Variants in ATPAF1 observed in about 807,000 individuals in gnomAD.
ATPAF1 encodes ATP synthase mitochondrial F1 complex assembly factor 1, also known as homolog of yeast ATP11.
Under a neutral mutation model 43.9 loss-of-function variants are expected in ATPAF1, and 26 were observed. That is an observed-to-expected ratio of 0.59 (90% confidence interval 0.43 to 0.82). The LOEUF (loss-of-function observed/expected upper bound fraction) is 0.82. Among genes scored for constraint, ATPAF1 ranks in the 40% least tolerant of loss-of-function variants. ATPAF1 has a pLI of 0.00. For synonymous variants in ATPAF1, 157 were observed against 168.0 expected, an observed-to-expected ratio of 0.93 and a Z score of 0.50; for missense variants, 366 against 435.0, an observed-to-expected ratio of 0.84 and a Z score of 1.41.
At position 46,668,166 on chromosome 1, in the gene ATPAF1, A is replaced by G. The variant is rs2148829743; in HGVS notation, c.157T>C (p.Ser53Pro). 7.4e-7 allele frequency: 1 copy of G among 1,350,564 alleles called. No individual in the cohort carries two copies. The highest frequency in any genetic ancestry group is 1.6e-5 in the South Asian group (1 of 63,590). The allele number at this position is 1,350,564 out of a possible 1,614,324, so 83.7% of individuals were successfully genotyped here. A position where few individuals can be genotyped will look rare whatever the true frequency, so the allele number is the denominator to read the frequency against. Residue 53 changes from serine (S) to proline (P), a missense_variant, in exon 1 of 9, where the codon TCG becomes CCG. By Grantham distance (74) the Ser-to-Pro change is moderately conservative. Transcript: ENST00000574428. This position sits in a 1 kb window ranked among gnomAD's most constrained non-coding sequence, Gnocchi z 4.4. ...TCGGCGCCCCCCTCGGGCCGGCCCG[A>G]GCCGGGGCGCACTGGGAAGACGCGC...
downstream of ATPAF1, chr1:46,632,933 C>A (rs943224348): frequency 1.3e-5 from 2 of 152,426 alleles, no homozygotes; most frequent in African/African-American, 4.8e-5. Flanking sequence ...CTATGGGAGA[C>A]AAAGAACAGA....
chr1:46,633,971 G>C, downstream of ATPAF1: 1 of 392,132 alleles, frequency 2.6e-6, no homozygotes, highest in South Asian at 1.9e-5. Context: ...TTTCTCAAAA[G>C]ATAAACTGCC....
chr1:46,646,429 A>G (rs2148817946), intron 6 of ATPAF1, among the ~76,000 whole-genome samples: 1 of 152,186 alleles, frequency 6.6e-6, no homozygotes, highest in South Asian at 2.1e-4. Flanking sequence ...ATTCTATCAG[A>G]TAAGGCTGAT....
upstream of ATPAF1, chr1:46,668,470 A>T: frequency 2.7e-6 from 2 of 730,162 alleles, no homozygotes; most frequent in Non-Finnish European, 3.4e-6. This position sits in a 1 kb window ranked among gnomAD's most constrained non-coding sequence, Gnocchi z 4.4. Context: ...GATAGCGGCG[A>T]GGCGGGGCGG....
intron 8 of ATPAF1, among the ~76,000 whole-genome samples, chr1:46,639,805 A>G (rs565851357): frequency 7.9e-5 from 12 of 152,182 alleles, no homozygotes; most frequent in Admixed American, 7.8e-4. Context: ...TACAAGGCAA[A>G]TATGTATTGT....
intron 7 of ATPAF1, among the ~76,000 whole-genome samples, chr1:46,643,795 G>A (rs916986791): frequency 1.5e-4 from 23 of 152,160 alleles, no homozygotes; most frequent in African/African-American, 5.6e-4. Flanking sequence ...TATAATCTGG[G>A]TTGGTGGGGG....
chr1:46,663,133 T>C (rs1033282860), intron 2 of ATPAF1, among the ~76,000 whole-genome samples: 13 of 152,220 alleles, frequency 8.5e-5, no homozygotes, highest in African/African-American at 2.9e-4. Flanking sequence ...TATGGCTGCA[T>C]AGTATTCCAT....
At chr1:46,655,519 C>A (rs1256514076) in intron 4 of ATPAF1, among the ~76,000 whole-genome samples, 1 of 152,200 alleles carries the variant, frequency 6.6e-6, no homozygotes, top group Non-Finnish European at 1.5e-5. Flanking sequence ...AGTCCTACCA[C>A]CCTAACAAAG....
chr1:46,668,082 G>A lies in ATPAF1; in HGVS notation c.241C>T (p.Arg81Cys). ...CTGCGCAGCAGCTGGATCTTGTCGC[G>A]GTAGCGGTCGTAGAAAGGGTTGGCC... Residue 81 changes from arginine (R) to cysteine (C), a missense_variant, in exon 1 of 9, where the codon CGC (arginine) becomes TGC (cysteine). Coordinates refer to ENST00000574428, the Ensembl canonical transcript of ATPAF1. The surrounding 1 kb of genome is among the most constrained non-coding windows in gnomAD (Gnocchi z 4.4). The A allele has an allele frequency of 6.9e-7, 1 of 1,449,608 alleles. No individual in the cohort carries two copies. The highest frequency in any genetic ancestry group is 1.5e-5 in the African/African-American group (1 of 67,644). The allele number at this position is 1,449,608 out of a possible 1,614,324, so 89.8% of individuals were successfully genotyped here. A position where few individuals can be genotyped will look rare whatever the true frequency, so the allele number is the denominator to read the frequency against.
chr1:46,636,048 G>T, intron 8 of ATPAF1, 78 bp from the exon 9 acceptor site: 1 of 1,527,964 alleles, frequency 6.5e-7, no homozygotes, highest in African/African-American at 1.4e-5. Context: ...TGGTGGGTGG[G>T]GGCCCTCGCC....
chr1:46,660,802 C>T (rs918553247), intron 2 of ATPAF1, among the ~76,000 whole-genome samples: 2 of 152,012 alleles, frequency 1.3e-5, no homozygotes, highest in Non-Finnish European at 2.9e-5. Flanking sequence ...ATATTGATAT[C>T]TACATTATGG....
chr1:46,651,853 C>T lies in ATPAF1; in HGVS notation c.588+728G>A, dbSNP rs548630653. On this transcript the variant is annotated intron_variant, in intron 6 of 8. Coordinates refer to ENST00000574428, the Ensembl canonical transcript of ATPAF1. ...TTTACAAGAAAAAAACAAACAACCC[C>T]ATCAAAAAGTGGGCAAAGGAAATGA... is the stretch of plus-strand genomic sequence containing the variant. Among the ~76,000 whole-genome samples the T allele has an allele frequency of 1.6e-4, 24 of 152,068 alleles. 1 individual carries two copies. In the South Asian group the frequency reaches 5.0e-3, roughly 32 times the overall value.
chr1:46,638,687 G>C (rs756314590), intron 8 of ATPAF1, among the ~76,000 whole-genome samples: 5 of 151,722 alleles, frequency 3.3e-5, no homozygotes, highest in Non-Finnish European at 5.9e-5. Context: ...GTAAGACACA[G>C]AGAGAGATGT....
At chr1:46,668,366 G>A, upstream of ATPAF1, 3 of 1,270,580 alleles carry the variant, frequency 2.4e-6, no homozygotes, top group Non-Finnish European at 3.0e-6. The surrounding 1 kb of genome is among the most constrained non-coding windows in gnomAD (Gnocchi z 4.4). Flanking sequence ...GTCGGCCTCG[G>A]CCCGCGGCCC....
chr1:46,653,693 G>C lies in ATPAF1; in HGVS notation c.540+124C>G, dbSNP rs959513117. 1.1e-5 allele frequency: 9 copies of C among 804,390 alleles called. No homozygotes were observed. In the Admixed American group the frequency reaches 1.8e-4, roughly 16 times the overall value. 49.8% of individuals were successfully genotyped at this position (804,390 alleles called of 1,614,324 possible). A position where few individuals can be genotyped will look rare whatever the true frequency, so the allele number is the denominator to read the frequency against. On this transcript the variant is annotated intron_variant, in intron 5 of 8. Coordinates refer to ENST00000574428, the Ensembl canonical transcript of ATPAF1. The surrounding 1 kb of genome is among the most constrained non-coding windows in gnomAD (Gnocchi z 4.8). ...GCTCAGGGCATAATAAAAACTCTCAGGGCTGTAAAATGCAGCTTCTCAAGA... is the reference window on the plus strand; with the variant it reads ...GCTCAGGGCATAATAAAAACTCTCACGGCTGTAAAATGCAGCTTCTCAAGA...
At chr1:46,659,893 G>A (rs1394001276) in intron 2 of ATPAF1, among the ~76,000 whole-genome samples, 1 of 151,938 alleles carries the variant, frequency 6.6e-6, no homozygotes, top group African/African-American at 2.4e-5. Flanking sequence ...TTTTGGTCAC[G>A]CACCTATACA....
chr1:46,660,877 C>T (rs1676374169), intron 2 of ATPAF1, among the ~76,000 whole-genome samples: 1 of 152,064 alleles, frequency 6.6e-6, no homozygotes, highest in Non-Finnish European at 1.5e-5. Context: ...TACAACTTTT[C>T]AATGTCTAGC....
Position 46,668,172 on chromosome 1 carries a change from G to A in ATPAF1, c.151C>T (p.Pro51Ser). ...CCCCCCTCGGGCCGGCCCGAGCCGGGGCGCACTGGGAAGACGCGCAGCTGC... is the reference window on the plus strand; with the variant it reads ...CCCCCCTCGGGCCGGCCCGAGCCGGAGCGCACTGGGAAGACGCGCAGCTGC... The change falls in exon 1 of 9, where the codon CCC becomes TCC. Residue 51 changes from proline to serine, a missense_variant. Physicochemically the swap from Pro to Ser is moderately conservative, Grantham distance 74 (BLOSUM62 -1). Coordinates refer to ENST00000574428, the Ensembl canonical transcript of ATPAF1. The surrounding 1 kb of genome is among the most constrained non-coding windows in gnomAD (Gnocchi z 4.4). 1 of 1,405,474 alleles carries A rather than the reference G, an allele frequency of 7.1e-7. No individual in the cohort carries two copies. The highest frequency in any genetic ancestry group is 9.3e-7 in the Non-Finnish European group (1 of 1,080,644). 87.1% of individuals were successfully genotyped at this position (1,405,474 alleles called of 1,614,324 possible).
At chr1:46,663,853 C>T in intron 2 of ATPAF1, 1 of 1,239,604 alleles carries the variant, frequency 8.1e-7, no homozygotes, top group Non-Finnish European at 1.0e-6. Context: ...GCTTCTGCAG[C>T]CCACACCTGG....
Sources: gnomAD v4.1 joint callset for allele counts (sites outside exome capture counted in the v4.1 genomes callset) on GRCh38, gnomAD v4.1.1 for gene constraint, Gnocchi (gnomAD v3.1) non-coding constraint, MANE v1.5 for transcripts, NCBI Gene and HGNC (gene_info 2026-07-23, HGNC 2026-07-21) for gene names.